CFAP100: variants seen among roughly 807,000 people sequenced by gnomAD.
The protein encoded by CFAP100 is cilia and flagella associated protein 100.
A neutral mutation model predicts 81.5 loss-of-function variants in CFAP100; 70 were observed. The observed-to-expected ratio is 0.86, with a 90% confidence interval of 0.71 to 1.05. The LOEUF (loss-of-function observed/expected upper bound fraction) is 1.05, where lower values mean the gene tolerates loss of function less well. Ranked by LOEUF, CFAP100 falls within the 50% of genes least tolerant of loss-of-function variation. CFAP100 has a pLI of 0.00. For missense variants in CFAP100, 811 were observed against 776.5 expected (o/e 1.04, Z -0.53); for synonymous variants, 341 against 314.8 (o/e 1.08, Z -0.88).
At chr3:126,407,315 C>A in intron 3 of CFAP100, 63 bp downstream of exon 3, 1 of 1,056,252 alleles carries the variant, frequency 9.5e-7, no homozygotes, top group Non-Finnish European at 1.5e-6. Context: ...TCCCTCTGCC[C>A]CCAGATCCCC....
At chr3:126,424,638 C>A (rs984156313) in intron 13 of CFAP100, among the ~76,000 whole-genome samples, 3 of 152,258 alleles carry the variant, frequency 2.0e-5, no homozygotes, top group Non-Finnish European at 4.4e-5. Context: ...AGGCCTGGGT[C>A]TAAGCTCTGC....
At chr3:126,418,264 AC>A in intron 5 of CFAP100, 193 bp from the exon 6 acceptor site, 1 of 598,152 alleles carries the variant, frequency 1.7e-6, no homozygotes, top group Non-Finnish European at 3.0e-6. Flanking sequence ...GGAGAATGTA[AC>A]ATTTCAGGCA....
intron 3 of CFAP100, among the ~76,000 whole-genome samples, chr3:126,411,361 G>GTTTTGGT (rs2083150816): frequency 2.8e-5 from 1 of 35,366 alleles, no homozygotes; most frequent in East Asian, 1.1e-3. Context: ...GTTGTTGTTG[G>GTTTTGGT]TTTTTTTTTT....
intron 5 of CFAP100, among the ~76,000 whole-genome samples, chr3:126,417,254 A>T (rs1043651654): frequency 3.9e-5 from 6 of 152,066 alleles, no homozygotes; most frequent in Non-Finnish European, 5.9e-5. Context: ...AGCCTCATGG[A>T]TTGTGGGGAT....
Position 126,436,383 on chromosome 3 carries a change from G to A in CFAP100, c.1815G>A (p.Glu605=). ...CACTGATGGACAAGGAGGAGGAGGA[G>A]CTGCTATTTTTCTTTACTTAATCTT... The part of the protein sequence containing the change: ...EHTLMDKEEE[E]LLFFFT Residue 605 remains glutamate, a synonymous_variant, in exon 17 of 17, where the codon GAG becomes GAA. Coordinates refer to ENST00000352312, the MANE Select transcript of CFAP100 (RefSeq NM_182628.3). The A allele has an allele frequency of 6.2e-7, 1 of 1,614,034 alleles. No individual in the cohort carries two copies. The highest frequency in any genetic ancestry group is 8.5e-7 in the Non-Finnish European group (1 of 1,179,880).
At position 126,407,193 on chromosome 3, in the gene CFAP100, A is replaced by T; in HGVS notation, c.71A>T (p.Asn24Ile). 6.2e-7 allele frequency: 1 copy of T among 1,613,894 alleles called. No homozygotes were observed. Among genetic ancestry groups the T allele is most frequent in the East Asian group, 2.2e-5 (1 of 44,876 alleles). ...TCAGAGAACAGCCTGGAATCCATGAACATCAGCTCTTCTTCAAGCACTGAA... is the reference window on the plus strand; with the variant it reads ...TCAGAGAACAGCCTGGAATCCATGATCATCAGCTCTTCTTCAAGCACTGAA... ...TNDKNSLESM[N>I]ISSSSSTEEN... The change falls in exon 3 of 17, where the codon AAC becomes ATC. Residue 24 changes from asparagine (N) to isoleucine (I), a missense_variant. Physicochemically the swap from Asn to Ile is moderately radical, Grantham distance 149. Coordinates refer to ENST00000352312, the MANE Select transcript of CFAP100 (RefSeq NM_182628.3).
chr3:126,422,166 C>T (rs1463901504), intron 11 of CFAP100, among the ~76,000 whole-genome samples: 1 of 152,240 alleles, frequency 6.6e-6, no homozygotes, highest in Non-Finnish European at 1.5e-5. Context: ...CCAGCCCATG[C>T]CCACCAACCG....
chr3:126,396,754 C>T (rs2082895146), intron 2 of CFAP100: 1 of 152,226 alleles, frequency 6.6e-6, no homozygotes, highest in African/African-American at 2.4e-5. Context: ...TGGCGCTAGG[C>T]CCTGGATGAA....
chr3:126,420,076 C>CG, intron 10 of CFAP100, 27 bp from the exon 11 acceptor site: 1 of 1,613,238 alleles, frequency 6.2e-7, no homozygotes, highest in Non-Finnish European at 8.5e-7. Flanking sequence ...GCACAGGGCT[C>CG]GGAAACTATT....
At chr3:126,401,400 TATATATATATATATATATATA>T (rs2082978518) in intron 2 of CFAP100, among the ~76,000 whole-genome samples, 53 of 40,988 alleles carry the variant, frequency 1.3e-3, no homozygotes, top group Non-Finnish European at 1.6e-3. Flanking sequence ...TCGTATTTTA[TATATATATATATATATATATA>T]TATATATATA....
At position 126,418,639 on chromosome 3, in the gene CFAP100, TC is replaced by T; in HGVS notation, c.517del (p.Gln173SerfsTer43). 3.1e-6 allele frequency: 5 copies of T among 1,596,410 alleles called. No homozygotes were observed. Among genetic ancestry groups the T allele is most frequent in the Non-Finnish European group, 3.4e-6 (4 of 1,172,092 alleles). Reference sequence around the variant, plus strand: ...GCCCTGGATGTCAAGCGGAGAGAGATCCAGCGGCTGGAGACGCTGGCGACCA... The same window carrying T: ...GCCCTGGATGTCAAGCGGAGAGAGATCAGCGGCTGGAGACGCTGGCGACCA... ...QYALDVKRRE[I>X]QRLETLATKE... On this transcript the variant is annotated frameshift_variant, in exon 7 of 17. Transcript: ENST00000352312. LOFTEE classifies it high-confidence loss of function.
Position 126,435,562 on chromosome 3 carries a change from TC to T in CFAP100, c.1633del (p.Arg545GlufsTer54), listed in dbSNP as rs762574640. On this transcript the variant is annotated frameshift_variant, in exon 16 of 17. Transcript: ENST00000352312. LOFTEE classifies it high-confidence loss of function. Reference sequence around the variant, plus strand: ...AATGTCATTTCTTGCCACCCAGACTTCGAGAAGAGAAGCTCCAGATGCAAAA... The same window carrying T: ...AATGTCATTTCTTGCCACCCAGACTTGAGAAGAGAAGCTCCAGATGCAAAA... ...AKEKERRIRL[R>X]EEKLQMQKIL... is the part of the protein sequence containing the mutation. The T allele has an allele frequency of 6.2e-7, 1 of 1,609,866 alleles. No individual in the cohort carries two copies. The highest frequency in any genetic ancestry group is 1.3e-5 in the African/African-American group (1 of 74,818).
At chr3:126,429,067 C>CAT in intron 13 of CFAP100, among the ~76,000 whole-genome samples, 1 of 142,806 alleles carries the variant, frequency 7.0e-6, no homozygotes, top group East Asian at 2.0e-4. Context: ...CAAGATTGTG[C>CAT]CACAGCACTC....
At chr3:126,427,856 A>G (rs1277350142) in intron 13 of CFAP100, among the ~76,000 whole-genome samples, 1 of 152,242 alleles carries the variant, frequency 6.6e-6, no homozygotes, top group African/African-American at 2.4e-5. Context: ...GAGAGGCCTC[A>G]GGGAACTTAC....
chr3:126,412,132 C>T (rs57564535), intron 3 of CFAP100, among the ~76,000 whole-genome samples: 7,471 of 152,250 alleles, frequency 0.049, 579 homozygotes, highest in African/African-American at 0.16. Flanking sequence ...AAAGAATTTT[C>T]AAATTTCCAT....
At chr3:126,432,274 C>T (rs1933260758) in intron 13 of CFAP100, among the ~76,000 whole-genome samples, 1 of 111,762 alleles carries the variant, frequency 8.9e-6, no homozygotes, top group Non-Finnish European at 1.7e-5. Flanking sequence ...CTGAGCAAGA[C>T]TCCGTCTCAA....
At chr3:126,435,744 C>A in intron 16 of CFAP100, 92 bp downstream of exon 16, 2 of 998,840 alleles carry the variant, frequency 2.0e-6, no homozygotes, top group Non-Finnish European at 3.0e-6. Flanking sequence ...CTGATGCTAC[C>A]ACTCTGAAGG....
chr3:126,395,954 T>C lies in CFAP100; in HGVS notation c.-47T>C, dbSNP rs2082880859. On this transcript the variant is annotated 5_prime_UTR_variant, in exon 2 of 17. Coordinates refer to ENST00000352312, the MANE Select transcript of CFAP100 (RefSeq NM_182628.3). Reference sequence around the variant, plus strand: ...TGTCACTCCTCAGGTGAGGATCTCCTTTAGAAGAGGAGAAGCCTTGCATCA... The same window carrying C: ...TGTCACTCCTCAGGTGAGGATCTCCCTTAGAAGAGGAGAAGCCTTGCATCA... 1 of 1,542,974 alleles carries C rather than the reference T, an allele frequency of 6.5e-7. No homozygotes were observed. The highest frequency in any genetic ancestry group is 9.0e-7 in the Non-Finnish European group (1 of 1,115,818).
In CFAP100 at chr3:126,407,202, C is replaced by A. The variant is rs1489013574; in HGVS notation, c.80C>A (p.Ser27Tyr). 6.2e-7 allele frequency: 1 copy of A among 1,613,586 alleles called. No individual in the cohort carries two copies. Among genetic ancestry groups the A allele is most frequent in the Admixed American group, 1.7e-5 (1 of 59,996 alleles). ...KNSLESMNIS[S>Y]SSSTEENPKK... ...AGCCTGGAATCCATGAACATCAGCT[C>A]TTCTTCAAGCACTGAAGAGAACCCA... is the stretch of plus-strand genomic sequence containing the variant. The change falls in exon 3 of 17, where the codon TCT (serine) becomes TAT (tyrosine). Residue 27 changes from serine to tyrosine, a missense_variant. Physicochemically the swap from Ser to Tyr is moderately radical, Grantham distance 144. Transcript: ENST00000352312.
Sources: allele counts gnomAD v4.1 joint callset (sites outside exome capture counted in the v4.1 genomes callset), GRCh38; gene constraint gnomAD v4.1.1; transcripts MANE v1.5; gene names NCBI Gene and HGNC (gene_info 2026-07-23, HGNC 2026-07-21).